Variants in SLC4A10 observed in about 807,000 individuals in gnomAD.
The protein encoded by SLC4A10 is sodium-driven chloride bicarbonate exchanger.
A neutral mutation model predicts 137.7 loss-of-function variants in SLC4A10; 42 were observed. The ratio of observed to expected loss-of-function variants is 0.30; its 90% CI spans 0.24 to 0.39. SLC4A10 has a LOEUF of 0.39. Ranked by LOEUF, SLC4A10 falls within the 10% of genes least tolerant of loss-of-function variation. The probability of loss-of-function intolerance (pLI) is 1.00; values close to 1 mark genes in which losing one functional copy is unlikely to be tolerated. For missense variants in SLC4A10, 925 were observed against 1,355.0 expected (o/e 0.68, Z 4.98); for synonymous variants, 474 against 464.1 (o/e 1.02, Z -0.27).
intron 16 of SLC4A10, 63 bp from the exon 17 acceptor site, chr2:161,947,503 T>C: frequency 6.5e-7 from 1 of 1,540,918 alleles, no homozygotes; most frequent in Non-Finnish European, 8.8e-7. Context: ...AGGTGTTAGT[T>C]TTCTGCAAGA....
At chr2:161,754,137 C>G (rs911256653) in intron 1 of SLC4A10, among the ~76,000 whole-genome samples, 12 of 151,802 alleles carry the variant, frequency 7.9e-5, no homozygotes, top group Admixed American at 3.9e-4. Context: ...TTCCTGGGCT[C>G]AAGTTATCTG....
intron 1 of SLC4A10, among the ~76,000 whole-genome samples, chr2:161,747,924 GGCT>G (rs2048550039): frequency 6.6e-6 from 1 of 152,048 alleles, no homozygotes; most frequent in Non-Finnish European, 1.5e-5. Flanking sequence ...CAGTGTACAA[GGCT>G]TCTCTTTTCT....
intron 1 of SLC4A10, among the ~76,000 whole-genome samples, chr2:161,646,110 T>A (rs1320545092): frequency 6.6e-6 from 1 of 152,076 alleles, no homozygotes; most frequent in African/African-American, 2.4e-5. Flanking sequence ...CTTCTAGTGC[T>A]AATAGCTTTT....
At chr2:161,784,280 A>C (rs1162423437) in intron 2 of SLC4A10, among the ~76,000 whole-genome samples, 3 of 151,860 alleles carry the variant, frequency 2.0e-5, no homozygotes, top group African/African-American at 7.2e-5. Flanking sequence ...GCAGCAACAC[A>C]ATAATAGTAG....
At chr2:161,958,420 T>A (rs1465026797) in intron 20 of SLC4A10, 67 bp from the exon 21 acceptor site, 1 of 1,365,102 alleles carries the variant, frequency 7.3e-7, no homozygotes, top group Non-Finnish European at 1.0e-6. Context: ...TTTTTTTCTT[T>A]GATAAATGCA....
intron 23 of SLC4A10, among the ~76,000 whole-genome samples, chr2:161,974,039 ATTAC>A (rs1475374450): frequency 6.6e-6 from 1 of 152,230 alleles, no homozygotes; most frequent in Non-Finnish European, 1.5e-5. Context: ...TAGCATTTAA[ATTAC>A]TTTGTGTTAT....
chr2:161,887,832 G>T (rs2062473646), intron 10 of SLC4A10, among the ~76,000 whole-genome samples: 1 of 152,032 alleles, frequency 6.6e-6, no homozygotes, highest in South Asian at 2.1e-4. Context: ...GTCAGTTTTG[G>T]CTTTTGTTGC....
intron 8 of SLC4A10, 72 bp downstream of exon 8, chr2:161,874,077 A>C (rs2061318523): frequency 7.1e-7 from 1 of 1,414,840 alleles, no homozygotes; most frequent in Admixed American, 2.0e-5. Context: ...CATGTGATTC[A>C]AACATTAAGC....
chr2:161,946,647 CT>C (rs1470523859), intron 16 of SLC4A10, among the ~76,000 whole-genome samples: 7 of 151,976 alleles, frequency 4.6e-5, no homozygotes, highest in Non-Finnish European at 8.8e-5. Context: ...TTTAAAATAA[CT>C]TTTTTTCATT....
At chr2:161,821,490 G>C (rs2057616084) in intron 3 of SLC4A10, among the ~76,000 whole-genome samples, 1 of 152,164 alleles carries the variant, frequency 6.6e-6, no homozygotes, top group East Asian at 1.9e-4. Context: ...TCTGCCAGGT[G>C]CTGTAGCTCA....
chr2:161,955,735 T>C (rs116444520), intron 19 of SLC4A10, among the ~76,000 whole-genome samples: 4,361 of 152,270 alleles, frequency 0.029, 99 homozygotes, highest in African/African-American at 0.062. Context: ...CTCAGTGTGT[T>C]TCACACTCCA....
intron 16 of SLC4A10, among the ~76,000 whole-genome samples, chr2:161,944,046 C>G (rs1017102068): frequency 3.3e-5 from 5 of 151,930 alleles, no homozygotes; most frequent in South Asian, 2.1e-4. Flanking sequence ...GTAGAATAAG[C>G]CTTCAGTTAC....
intron 1 of SLC4A10, among the ~76,000 whole-genome samples, chr2:161,751,981 A>G (rs2049031664): frequency 6.6e-6 from 1 of 151,972 alleles, no homozygotes; most frequent in South Asian, 2.1e-4. Flanking sequence ...TAGTTTAGCT[A>G]GAGGCCTTAG....
intron 1 of SLC4A10, among the ~76,000 whole-genome samples, chr2:161,627,900 T>C (rs73971334): frequency 6.6e-6 from 1 of 152,218 alleles, no homozygotes; most frequent in African/African-American, 2.4e-5. Context: ...GCAAACACCC[T>C]ATATATGTGA....
At chr2:161,829,257 A>C (rs1403850659) in intron 3 of SLC4A10, among the ~76,000 whole-genome samples, 1 of 152,162 alleles carries the variant, frequency 6.6e-6, no homozygotes, top group African/African-American at 2.4e-5. Context: ...ACCAGATTAT[A>C]AGCAATTTAA....
chr2:161,669,690 G>A (rs996834525), intron 1 of SLC4A10, among the ~76,000 whole-genome samples: 1 of 151,792 alleles, frequency 6.6e-6, no homozygotes, highest in Admixed American at 6.6e-5. Context: ...ATTAACCTTC[G>A]CTATTTATTT....
chr2:161,803,344 T>G (rs1575042446), intron 2 of SLC4A10, among the ~76,000 whole-genome samples: 1 of 152,180 alleles, frequency 6.6e-6, no homozygotes, highest in African/African-American at 2.4e-5. Context: ...TTTGTTACAA[T>G]TGATAAACCA....
chr2:161,948,260 C>CAA (rs199527395), intron 17 of SLC4A10, among the ~76,000 whole-genome samples: 4 of 151,350 alleles, frequency 2.6e-5, no homozygotes, highest in African/African-American at 4.9e-5. Context: ...CTGATTCCGC[C>CAA]AAAAAAAATT....
intron 1 of SLC4A10, among the ~76,000 whole-genome samples, chr2:161,639,837 C>T (rs1181314680): frequency 6.6e-6 from 1 of 152,114 alleles, no homozygotes; most frequent in Non-Finnish European, 1.5e-5. Context: ...AAACTTGTCC[C>T]TGTTTGCAGA....
Sources: gnomAD v4.1 joint callset for allele counts (sites outside exome capture counted in the v4.1 genomes callset) on GRCh38, gnomAD v4.1.1 for gene constraint, MANE v1.5 for transcripts, NCBI Gene and HGNC (gene_info 2026-07-23, HGNC 2026-07-21) for gene names.